Variants in PCDHAC1 observed in about 807,000 individuals in gnomAD.
PCDHAC1 encodes the protein protocadherin alpha subfamily C, 1.
In PCDHAC1, 42 loss-of-function variants were observed where a neutral mutation model predicts 60.0. That is an observed-to-expected ratio of 0.70 (90% CI 0.55 to 0.90). The LOEUF is 0.90. PCDHAC1 is among the 40% of genes least tolerant of loss of function. The probability of loss-of-function intolerance (pLI) is 0.00; values close to 1 mark genes in which losing one functional copy is unlikely to be tolerated. For missense variants in PCDHAC1, 1,160 were observed against 1,222.3 expected (o/e 0.95, Z 0.76); for synonymous variants, 468 against 499.3 (o/e 0.94, Z 0.84).
intron 3 of PCDHAC1, among the ~76,000 whole-genome samples, chr5:141,005,530 C>T (rs920110529): frequency 1.3e-5 from 2 of 151,002 alleles, no homozygotes; most frequent in Non-Finnish European, 3.0e-5. Context: ...GGTGAAACCC[C>T]GTCTCTACTA....
Position 140,941,319 on chromosome 5 carries a change from C to CT in PCDHAC1, c.2433+12009dup, listed in dbSNP as rs70988781. On this transcript the variant is annotated intron_variant, in intron 1 of 3. Transcript: ENST00000253807. Reference sequence around the variant, plus strand: ...TTCTTTCTTTCTTTTTCTTCTTTCTCTTTTTTTTTTTTTTTCAGATGGAGT... The same window carrying CT: ...TTCTTTCTTTCTTTTTCTTCTTTCTCTTTTTTTTTTTTTTTTCAGATGGAGT... Among the ~76,000 whole-genome samples the CT allele has an allele frequency of 1.3e-3, 140 of 104,384 alleles. 3 individuals are homozygous for CT. The highest frequency in any genetic ancestry group is 2.9e-3 in the South Asian group (9 of 3,126). The allele number at this position is 104,384 out of a possible 152,430, so 68.5% of individuals were successfully genotyped here.
chr5:140,953,881 A>G (rs1481970999), intron 1 of PCDHAC1, among the ~76,000 whole-genome samples: 2 of 152,130 alleles, frequency 1.3e-5, no homozygotes, highest in Non-Finnish European at 2.9e-5. Flanking sequence ...AGATCAACCC[A>G]TCACCTAGGT....
In PCDHAC1 at chr5:140,927,277, GTGCAGC is replaced by G; in HGVS notation, c.390_395del (p.Gln130_Leu131del). On this transcript the variant is annotated inframe_deletion, in exon 1 of 4. Transcript: ENST00000253807. ...CTCACCTCTCTTTCCTGCCGGCGAC[GTGCAGC>G]TGCACATCCCCGAGTTCCTGACGCC... is the stretch of plus-strand genomic sequence containing the variant. 6.2e-7 allele frequency: 1 copy of G among 1,614,016 alleles called. No individual in the cohort carries two copies. The highest frequency in any genetic ancestry group is 8.5e-7 in the Non-Finnish European group (1 of 1,180,008).
intron 1 of PCDHAC1, among the ~76,000 whole-genome samples, chr5:140,933,619 T>C (rs2089273151): frequency 2.6e-5 from 4 of 152,058 alleles, no homozygotes; most frequent in Non-Finnish European, 2.9e-5. Flanking sequence ...TCTTATTAGG[T>C]TAGGCTGGCC....
At position 140,974,721 on chromosome 5, in the gene PCDHAC1, G is replaced by A. The variant is rs1033117636; in HGVS notation, c.2434-4228G>A. 3.9e-5 allele frequency among the ~76,000 whole-genome samples: 6 copies of A among 152,050 alleles called. No homozygotes were observed. In the East Asian group the frequency reaches 1.2e-3, roughly 29 times the overall value. On this transcript the variant is annotated intron_variant, in intron 1 of 3. Transcript: ENST00000253807. ...TCACCATGTTGTTCAAGCTGCTCTCGAACTCCTGTCTCCACCTTGGCCTCC... is the reference window on the plus strand; with the variant it reads ...TCACCATGTTGTTCAAGCTGCTCTCAAACTCCTGTCTCCACCTTGGCCTCC...
chr5:140,963,288 G>A (rs908553196), intron 1 of PCDHAC1, among the ~76,000 whole-genome samples: 2 of 152,126 alleles, frequency 1.3e-5, no homozygotes, highest in Non-Finnish European at 2.9e-5. Flanking sequence ...ATTTTATAAG[G>A]AGGAGAGAAA....
chr5:140,979,145 G>A, intron 2 of PCDHAC1, 138 bp downstream of exon 2: 1 of 1,447,220 alleles, frequency 6.9e-7, no homozygotes, highest in Non-Finnish European at 9.1e-7. Context: ...CAATTATTTT[G>A]TCCCCATGTT....
chr5:140,995,073 CA>C (rs537697820), intron 3 of PCDHAC1, among the ~76,000 whole-genome samples: 319 of 152,298 alleles, frequency 2.1e-3, no homozygotes, highest in African/African-American at 7.3e-3. Flanking sequence ...CAACCTACAG[CA>C]ATCCAAACTT....
chr5:140,941,639 TC>T (rs2093135030), intron 1 of PCDHAC1, among the ~76,000 whole-genome samples: 1 of 152,044 alleles, frequency 6.6e-6, no homozygotes, highest in Non-Finnish European at 1.5e-5. Context: ...ATTTCTGTCT[TC>T]CTACAACTTA....
intron 1 of PCDHAC1, among the ~76,000 whole-genome samples, chr5:140,976,550 C>CATAA (rs782672542): frequency 1.5e-4 from 23 of 152,064 alleles, no homozygotes; most frequent in African/African-American, 4.6e-4. Flanking sequence ...GACCCTATCT[C>CATAA]ATAAATAAAT....
At position 140,928,459 on chromosome 5, in the gene PCDHAC1, T is replaced by C. The variant is rs2085267166; in HGVS notation, c.1567T>C (p.Phe523Leu). The C allele has an allele frequency of 6.2e-7, 1 of 1,614,106 alleles. No individual in the cohort carries two copies. Among genetic ancestry groups the C allele is most frequent in the Non-Finnish European group, 8.5e-7 (1 of 1,180,010 alleles). Reference protein sequence around the residue: ...FDFEQLRGFHFQVEGRDGGIP... With the variant: ...FDFEQLRGFHLQVEGRDGGIP... ...CTTTGAGCAGCTCAGGGGGTTTCAT[T>C]TCCAAGTAGAAGGCCGGGATGGTGG... The change falls in exon 1 of 4, where the codon TTC (phenylalanine) becomes CTC (leucine). Residue 523 changes from phenylalanine to leucine, a missense_variant. Transcript: ENST00000253807.
At chr5:140,975,307 A>G (rs1190412792) in intron 1 of PCDHAC1, among the ~76,000 whole-genome samples, 1 of 152,162 alleles carries the variant, frequency 6.6e-6, no homozygotes, top group Non-Finnish European at 1.5e-5. Context: ...AGCTCATGTG[A>G]TTATGTCAGT....
At chr5:140,985,072 A>C (rs2097134751) in intron 3 of PCDHAC1, among the ~76,000 whole-genome samples, 1 of 151,864 alleles carries the variant, frequency 6.6e-6, no homozygotes, top group Admixed American at 6.6e-5. Flanking sequence ...TGAGTAGCTG[A>C]GACTACAGGC....
intron 3 of PCDHAC1, among the ~76,000 whole-genome samples, chr5:140,986,013 A>C (rs544858025): frequency 6.6e-6 from 1 of 152,298 alleles, no homozygotes; most frequent in Admixed American, 6.5e-5. Flanking sequence ...TGCTGGGATT[A>C]CAGGCGTGAG....
At chr5:141,007,522 C>T (rs1475001472) in intron 3 of PCDHAC1, among the ~76,000 whole-genome samples, 1 of 151,940 alleles carries the variant, frequency 6.6e-6, no homozygotes, top group Non-Finnish European at 1.5e-5. Context: ...GAGCTGATAT[C>T]TCGCCACTGC....
intron 1 of PCDHAC1, chr5:140,966,833 C>G: frequency 2.6e-6 from 4 of 1,563,480 alleles, no homozygotes; most frequent in Non-Finnish European, 3.5e-6. Flanking sequence ...CATGCCCTGG[C>G]TGCTGCTACT....
chr5:141,000,015 G>A (rs960608216), intron 3 of PCDHAC1, among the ~76,000 whole-genome samples: 8 of 151,984 alleles, frequency 5.3e-5, no homozygotes, highest in Non-Finnish European at 5.9e-5. Flanking sequence ...CCTCCCCATT[G>A]CTAAGCCTGA....
intron 1 of PCDHAC1, among the ~76,000 whole-genome samples, chr5:140,946,707 A>C (rs2094013917): frequency 6.7e-6 from 1 of 150,204 alleles, no homozygotes; most frequent in East Asian, 1.9e-4. Context: ...TCTGGAGGTC[A>C]TTATGTTTAG....
At position 140,927,789 on chromosome 5, in the gene PCDHAC1, A is replaced by G. The variant is rs781883935; in HGVS notation, c.897A>G (p.Leu299=). The change falls in exon 1 of 4, where the codon CTA becomes CTG. Residue 299 remains leucine (L), a synonymous_variant. Transcript: ENST00000253807. The stretch of plus-strand genomic sequence containing the variant: ...GGGAGGTGCAAGTAGCTGCTTCACT[A>G]GGTCCGCCTGAAACGCTCTTGGAGG... ...KSGEVQVAAS[L]GPPETLLEAY... 4 of 1,614,164 alleles carry G rather than the reference A, an allele frequency of 2.5e-6. No individual in the cohort carries two copies. The African/African-American group carries it at 4.0e-5, about 16-fold the overall frequency.
Sources: gnomAD v4.1 joint callset for allele counts (sites outside exome capture counted in the v4.1 genomes callset) on GRCh38, gnomAD v4.1.1 for gene constraint, MANE v1.5 for transcripts, NCBI Gene and HGNC (gene_info 2026-07-23, HGNC 2026-07-21) for gene names.